Variants in NCR1 observed in about 807,000 individuals in gnomAD.
The protein encoded by NCR1 is natural cytotoxicity triggering receptor 1.
In NCR1, 30 loss-of-function variants were observed where a neutral mutation model predicts 32.5. The observed-to-expected ratio is 0.92, with a 90% CI of 0.69 to 1.25. NCR1 has a LOEUF of 1.25. Ranked by LOEUF, NCR1 falls within the 50% of genes most tolerant of loss-of-function variation. The pLI, the probability that NCR1 is intolerant of heterozygous loss-of-function variation, is 0.00. For synonymous variants in NCR1, 169 were observed against 143.4 expected, an observed-to-expected ratio of 1.18 and a Z score of -1.28; for missense variants, 369 against 380.7, an observed-to-expected ratio of 0.97 and a Z score of 0.26.
the NCR1 span, chr19:54,923,711 G>A: frequency 6.2e-7 from 1 of 1,611,854 alleles, no homozygotes; most frequent in Non-Finnish European, 8.5e-7. Context: ...CCCGCTTCCT[G>A]TGTAATTCGT....
At chr19:54,938,096 G>T in the NCR1 span, 3 of 1,614,044 alleles carry the variant, frequency 1.9e-6, no homozygotes, top group Non-Finnish European at 2.5e-6. Context: ...CAAAGAATCC[G>T]CACAGAAGAG....
the NCR1 span, chr19:54,927,603 A>C: frequency 6.2e-7 from 1 of 1,613,750 alleles, no homozygotes. Context: ...AAAAACCCAT[A>C]CCTGAGTATC....
intron 3 of NCR1, among the ~76,000 whole-genome samples, chr19:54,908,758 T>G: frequency 6.7e-6 from 1 of 149,520 alleles, no homozygotes. Flanking sequence ...GCCTCCCAAG[T>G]AGTTGAGATT....
chr19:54,934,321 C>T, the NCR1 span, among the ~76,000 whole-genome samples: 2 of 152,276 alleles, frequency 1.3e-5, no homozygotes, highest in East Asian at 1.9e-4. The surrounding 1 kb of genome is among the most constrained non-coding windows in gnomAD (Gnocchi z 6.7). Context: ...AGATGATCCG[C>T]CCACCTCTCT....
At chr19:54,902,741 A>G (rs587743503), upstream of NCR1, among the ~76,000 whole-genome samples, 3 of 152,260 alleles carry the variant, frequency 2.0e-5, no homozygotes, top group South Asian at 4.1e-4. Flanking sequence ...AGGGCATCCA[A>G]GCGCTCCGTA....
Position 54,906,740 on chromosome 19 carries a change from C to T in NCR1, c.288C>T (p.Tyr96=). ...PDMNSRMAGQ[Y]SCIYRVGELW... is the part of the protein sequence containing the mutation. The stretch of plus-strand genomic sequence containing the variant: ...TGAACTCCCGCATGGCAGGGCAATA[C>T]AGCTGCATCTATCGGGTTGGGGAGC... Residue 96 remains tyrosine, a synonymous_variant, in exon 3 of 7, where the codon TAC becomes TAT. Coordinates refer to ENST00000291890, the MANE Select transcript of NCR1 (RefSeq NM_004829.7). 6.2e-7 allele frequency: 1 copy of T among 1,614,218 alleles called. No homozygotes were observed. The highest frequency in any genetic ancestry group is 8.5e-7 in the Non-Finnish European group (1 of 1,180,032).
intron 4 of NCR1, 126 bp from the exon 5 acceptor site, chr19:54,909,892 A>G (rs2067868219): frequency 6.6e-6 from 5 of 755,438 alleles, no homozygotes; most frequent in East Asian, 2.8e-5. Context: ...CCGAGATCAT[A>G]CCACCGCACT....
At position 54,913,063 on chromosome 19, in the gene NCR1, T is replaced by C; in HGVS notation, c.*192T>C. On this transcript the variant is annotated 3_prime_UTR_variant, in exon 7 of 7. Transcript: ENST00000291890. The stretch of plus-strand genomic sequence containing the variant: ...AACTACATGCTAAATTTCTTTTTTT[T>C]TTTTTTTGAGACAGAGTTTTCTCTT... The C allele has an allele frequency of 1.9e-6, 1 of 536,446 alleles. No individual in the cohort carries two copies. The highest frequency in any genetic ancestry group is 3.2e-5 in the South Asian group (1 of 31,200). 33.2% of individuals were successfully genotyped at this position (536,446 alleles called of 1,614,324 possible). A position where few individuals can be genotyped will look rare whatever the true frequency, so the allele number is the denominator to read the frequency against.
downstream of NCR1, among the ~76,000 whole-genome samples, chr19:54,916,693 A>G (rs2061235048): frequency 1.4e-5 from 2 of 142,310 alleles, no homozygotes; most frequent in African/African-American, 2.6e-5. Flanking sequence ...CTAGGAGATC[A>G]ACTGTTCTAT....
chr19:54,936,381 A>T, the NCR1 span: 1 of 1,614,044 alleles, frequency 6.2e-7, no homozygotes, highest in Middle Eastern at 1.6e-4. Context: ...CTTCCCAATG[A>T]AAGCAAGACA....
downstream of NCR1, among the ~76,000 whole-genome samples, chr19:54,918,220 CCG>C (rs2068174155): frequency 6.6e-6 from 1 of 152,022 alleles, no homozygotes; most frequent in Non-Finnish European, 1.5e-5. Context: ...GTGTAAGCCA[CCG>C]CACCCGGCCT....
At chr19:54,910,892 T>C (rs2067937463) in intron 5 of NCR1, among the ~76,000 whole-genome samples, 1 of 152,178 alleles carries the variant, frequency 6.6e-6, no homozygotes, top group Non-Finnish European at 1.5e-5. Context: ...ATCATGTGGC[T>C]GTCAGGAGAA....
At chr19:54,933,536 G>T in the NCR1 span, 6 of 1,606,864 alleles carry the variant, frequency 3.7e-6, no homozygotes, top group Non-Finnish European at 5.1e-6. Context: ...TTGAATTCAT[G>T]TGCACACACA....
At chr19:54,929,964 A>T in the NCR1 span, among the ~76,000 whole-genome samples, 1 of 151,730 alleles carries the variant, frequency 6.6e-6, no homozygotes, top group African/African-American at 2.4e-5. Flanking sequence ...ATACAAAAAA[A>T]ATTAGCCAGG....
upstream of NCR1, among the ~76,000 whole-genome samples, chr19:54,902,237 G>C (rs184318466): frequency 4.6e-5 from 7 of 152,206 alleles, no homozygotes; most frequent in Non-Finnish European, 1.0e-4. Flanking sequence ...AGGGAGAGAG[G>C]CTGAATGATG....
At chr19:54,898,243 G>C in the NCR1 span, among the ~76,000 whole-genome samples, 2 of 152,328 alleles carry the variant, frequency 1.3e-5, no homozygotes, top group Non-Finnish European at 2.9e-5. Flanking sequence ...GAGTTGAACA[G>C]TCCGATTTTC....
At chr19:54,922,484 A>ACAG in the NCR1 span, among the ~76,000 whole-genome samples, 1 of 151,836 alleles carries the variant, frequency 6.6e-6, no homozygotes, top group East Asian at 2.0e-4. Flanking sequence ...CTCACACAGA[A>ACAG]ACAGACAGAC....
the NCR1 span, among the ~76,000 whole-genome samples, chr19:54,925,947 C>G: frequency 8.6e-5 from 13 of 151,604 alleles, no homozygotes; most frequent in Non-Finnish European, 1.6e-4. Context: ...TTGCAGTGAG[C>G]CGAGATCGCA....
chr19:54,937,712 A>G, the NCR1 span, among the ~76,000 whole-genome samples: 1 of 152,098 alleles, frequency 6.6e-6, no homozygotes, highest in African/African-American at 2.4e-5. Context: ...AGCCTGGGCA[A>G]CACGGTGAAA....
Sources: gnomAD v4.1 joint callset for allele counts (sites outside exome capture counted in the v4.1 genomes callset) on GRCh38, gnomAD v4.1.1 for gene constraint, Gnocchi (gnomAD v3.1) non-coding constraint, MANE v1.5 for transcripts, NCBI Gene and HGNC (gene_info 2026-07-23, HGNC 2026-07-21) for gene names.